Variants in LRP1B observed in about 807,000 individuals in gnomAD.
LRP1B encodes the protein LDL receptor related protein 1B, also known as low-density lipoprotein receptor-related protein 1B.
LRP1B carries 217 observed loss-of-function variants against 556.6 expected under a neutral mutation model. The ratio of observed to expected loss-of-function variants is 0.39; its 90% CI spans 0.35 to 0.44. The LOEUF is 0.44. LRP1B is among the 20% of genes least tolerant of loss of function. The pLI, the probability that LRP1B is intolerant of heterozygous loss-of-function variation, is 1.00. For synonymous variants in LRP1B, 2,047 were observed against 1,865.8 expected (o/e 1.10, Z -2.50); for missense variants, 5,053 against 5,620.8 (o/e 0.90, Z 3.23).
chr2:141,034,058 T>A (rs1698457149), intron 11 of LRP1B, among the ~76,000 whole-genome samples: 1 of 152,154 alleles, frequency 6.6e-6, no homozygotes, highest in Admixed American at 6.6e-5. Flanking sequence ...ATTAACTTTC[T>A]TTAAAGAGTG....
intron 1 of LRP1B, among the ~76,000 whole-genome samples, chr2:141,940,412 G>C (rs996459615): frequency 6.6e-6 from 1 of 152,104 alleles, no homozygotes; most frequent in African/African-American, 2.4e-5. Context: ...CTAAGCGGGG[G>C]AAGAAATCTA....
At chr2:141,324,282 A>G (rs1477388084) in intron 3 of LRP1B, among the ~76,000 whole-genome samples, 1 of 152,148 alleles carries the variant, frequency 6.6e-6, no homozygotes, top group Non-Finnish European at 1.5e-5. Flanking sequence ...TAAAAAATAA[A>G]TACTCTTTCC....
At position 142,112,738 on chromosome 2, in the gene LRP1B, G is replaced by A. The variant is rs562895549; in HGVS notation, c.82+17910C>T. Among the ~76,000 whole-genome samples the A allele has an allele frequency of 8.8e-4, 134 of 152,026 alleles. No homozygotes were observed. In the Middle Eastern group the frequency reaches 0.014, roughly 15 times the overall value. On this transcript the variant is annotated intron_variant, in intron 1 of 90. Transcript: ENST00000389484. Reference sequence around the variant, plus strand: ...CCCAGGATTCTATCTTCTACTCTTCGAATTGGTTCTGATGTGCTCAGTACA... The same window carrying A: ...CCCAGGATTCTATCTTCTACTCTTCAAATTGGTTCTGATGTGCTCAGTACA...
At chr2:141,326,480 T>A (rs2105481798) in intron 3 of LRP1B, among the ~76,000 whole-genome samples, 1 of 152,224 alleles carries the variant, frequency 6.6e-6, no homozygotes, top group African/African-American at 2.4e-5. Context: ...AATGAAAGAT[T>A]TATTATATAG....
intron 43 of LRP1B, among the ~76,000 whole-genome samples, chr2:140,596,385 C>T (rs952288481): frequency 1.8e-4 from 27 of 152,148 alleles, no homozygotes; most frequent in Admixed American, 2.0e-4. Flanking sequence ...GAGTTGGATG[C>T]TGTTCATTTT....
chr2:141,692,764 G>A (rs1480118886), intron 2 of LRP1B, among the ~76,000 whole-genome samples: 1 of 151,988 alleles, frequency 6.6e-6, no homozygotes, highest in East Asian at 1.9e-4. Context: ...GGTGCAGCCT[G>A]ATGCTCCTAA....
intron 7 of LRP1B, among the ~76,000 whole-genome samples, chr2:141,167,034 T>A (rs564805004): frequency 6.6e-6 from 1 of 152,100 alleles, no homozygotes; most frequent in African/African-American, 2.4e-5. Context: ...ACACGTTTAC[T>A]TAGGAAACTG....
chr2:141,728,027 T>C lies in LRP1B; in HGVS notation c.205+82252A>G, dbSNP rs72983870. Among the ~76,000 whole-genome samples, 743 of 152,188 alleles carry C rather than the reference T, an allele frequency of 4.9e-3. 7 individuals carry two copies. Among genetic ancestry groups the C allele is most frequent in the African/African-American group, 0.017 (707 of 41,524 alleles). Reference sequence around the variant, plus strand: ...CCAAAGGACAGTACTTTTAGCGCTATAATGAGGGGGAAAGAGAAGCCCGTA... The same window carrying C: ...CCAAAGGACAGTACTTTTAGCGCTACAATGAGGGGGAAAGAGAAGCCCGTA... On this transcript the variant is annotated intron_variant, in intron 2 of 90. Transcript: ENST00000389484.
At chr2:140,834,804 C>T (rs1691843826) in intron 31 of LRP1B, among the ~76,000 whole-genome samples, 1 of 152,132 alleles carries the variant, frequency 6.6e-6, no homozygotes, top group Non-Finnish European at 1.5e-5. Context: ...CTAAATTTAA[C>T]TCATACTGTT....
intron 1 of LRP1B, among the ~76,000 whole-genome samples, chr2:141,886,964 CTTTT>C (rs66668893): frequency 0.078 from 11,073 of 142,184 alleles, 553 homozygotes; most frequent in Middle Eastern, 0.14. Flanking sequence ...TTTTCTTTTT[CTTTT>C]TTTTTTTTTT....
chr2:140,430,427 C>T (rs572367116), intron 66 of LRP1B, among the ~76,000 whole-genome samples: 2 of 152,188 alleles, frequency 1.3e-5, no homozygotes, highest in African/African-American at 4.8e-5. Context: ...TGCTCAAGGC[C>T]GCTTCACTTC....
chr2:141,394,659 C>G (rs1690175639), intron 3 of LRP1B, among the ~76,000 whole-genome samples: 1 of 151,964 alleles, frequency 6.6e-6, no homozygotes, highest in South Asian at 2.1e-4. Flanking sequence ...TTTTGGGACC[C>G]AGATAATTGG....
At chr2:141,246,013 G>T (rs534400494) in intron 5 of LRP1B, among the ~76,000 whole-genome samples, 3 of 151,988 alleles carry the variant, frequency 2.0e-5, no homozygotes, top group South Asian at 4.1e-4. Context: ...GTTCTGTACC[G>T]TCATAATGCT....
chr2:141,141,956 G>C (rs1701663539), intron 7 of LRP1B, among the ~76,000 whole-genome samples: 1 of 151,394 alleles, frequency 6.6e-6, no homozygotes, highest in African/African-American at 2.4e-5. Flanking sequence ...CAACAAAAAG[G>C]CTAATAAATG....
At chr2:141,996,998 G>T (rs1467866389) in intron 1 of LRP1B, among the ~76,000 whole-genome samples, 1 of 152,126 alleles carries the variant, frequency 6.6e-6, no homozygotes, top group African/African-American at 2.4e-5. Flanking sequence ...AGAAGTGGGA[G>T]ACAGTGATGC....
chr2:141,699,967 A>T (rs970333520), intron 2 of LRP1B, among the ~76,000 whole-genome samples: 9 of 150,780 alleles, frequency 6.0e-5, no homozygotes, highest in Admixed American at 1.3e-4. Flanking sequence ...GATTCAACCA[A>T]AGAATATACA....
chr2:141,484,538 A>G (rs983218393), intron 2 of LRP1B, among the ~76,000 whole-genome samples: 6 of 152,018 alleles, frequency 3.9e-5, no homozygotes, highest in Non-Finnish European at 7.4e-5. Context: ...CATTGAATCT[A>G]TAAATTACCT....
At chr2:141,291,988 A>G (rs765865923) in intron 3 of LRP1B, among the ~76,000 whole-genome samples, 11 of 151,884 alleles carry the variant, frequency 7.2e-5, no homozygotes, top group Non-Finnish European at 1.3e-4. Context: ...CCCCAACCCC[A>G]ATGCGATGAA....
intron 42 of LRP1B, among the ~76,000 whole-genome samples, chr2:140,600,392 A>T (rs1194872365): frequency 6.6e-6 from 1 of 152,142 alleles, no homozygotes; most frequent in Non-Finnish European, 1.5e-5. Context: ...ATATAAGATG[A>T]TGTTCAATTA....
Sources: allele counts gnomAD v4.1 joint callset (sites outside exome capture counted in the v4.1 genomes callset), GRCh38; gene constraint gnomAD v4.1.1; transcripts MANE v1.5; gene names NCBI Gene and HGNC (gene_info 2026-07-23, HGNC 2026-07-21).